EML5: variants seen among roughly 807,000 people sequenced by gnomAD.
EML5 encodes echinoderm microtubule-associated protein-like 5.
Under a neutral mutation model 250.0 loss-of-function variants are expected in EML5, and 120 were observed. That is an observed-to-expected ratio of 0.48 (90% CI 0.41 to 0.56). The LOEUF (loss-of-function observed/expected upper bound fraction) is 0.56, where lower values mean the gene tolerates loss of function less well. Among genes scored for constraint, EML5 ranks in the 20% least tolerant of loss-of-function variants. The pLI is 0.00. For synonymous variants in EML5, 771 were observed against 806.5 expected, an observed-to-expected ratio of 0.96 and a Z score of 0.75; for missense variants, 2,006 against 2,437.6, an observed-to-expected ratio of 0.82 and a Z score of 3.73.
chr14:88,729,866 T>TTTC (rs1566714267), intron 7 of EML5, among the ~76,000 whole-genome samples: 1 of 142,718 alleles, frequency 7.0e-6, no homozygotes, highest in African/African-American at 2.8e-5. Context: ...CGGTCTTGTT[T>TTTC]TTTGTTTTTT....
At position 88,643,078 on chromosome 14, in the gene EML5, C is replaced by T. The variant is rs1233284017; in HGVS notation, c.4108-56G>A. 16 of 1,498,526 alleles carry T rather than the reference C, an allele frequency of 1.1e-5. No individual in the cohort carries two copies. The Admixed American group carries it at 3.8e-4, about 36-fold the overall frequency. The allele number at this position is 1,498,526 out of a possible 1,614,324, so 92.8% of individuals were successfully genotyped here. On this transcript the variant is annotated intron_variant, in intron 30 of 43. Coordinates refer to ENST00000554922, the MANE Select transcript of EML5 (RefSeq NM_183387.3). ...CTTCCTCATGTATAAATGTTCACCA[C>T]TGTTTTGTTGTATACGTAATACTAG...
At chr14:88,656,877 C>T (rs1421876232) in intron 27 of EML5, among the ~76,000 whole-genome samples, 1 of 152,210 alleles carries the variant, frequency 6.6e-6, no homozygotes. Flanking sequence ...CCAACCTCAT[C>T]ACACACATTT....
chr14:88,792,375 G>A lies in EML5; in HGVS notation c.129C>T (p.Val43=), dbSNP rs1191048842. ...GCTCCCGCGGGCTGTACACCACGCC[G>A]ACCCCCGCCACGAAGTATACGATCT... ...AKEIVYFVAG[V]GVVYSPREHR... Residue 43 remains valine (V), a synonymous_variant, in exon 1 of 44, where the codon GTC becomes GTT. Transcript: ENST00000554922. This position sits in a 1 kb window ranked among gnomAD's most constrained non-coding sequence, Gnocchi z 6.9. 2 of 1,562,538 alleles carry A rather than the reference G, an allele frequency of 1.3e-6. No homozygotes were observed. The highest frequency in any genetic ancestry group is 1.4e-5 in the African/African-American group (1 of 73,310).
chr14:88,619,211 C>T (rs576308216), intron 39 of EML5: 2 of 155,078 alleles, frequency 1.3e-5, no homozygotes, highest in South Asian at 4.0e-4. Context: ...ACTAAAAATA[C>T]AAAATTAGCC....
At chr14:88,790,699 G>C (rs1283248626) in intron 1 of EML5, among the ~76,000 whole-genome samples, 1 of 152,160 alleles carries the variant, frequency 6.6e-6, no homozygotes, top group African/African-American at 2.4e-5. Flanking sequence ...GGCTGCTCCA[G>C]CTAGGTAAAG....
Position 88,612,583 on chromosome 14 carries a change from A to G in EML5, c.*3235T>C, listed in dbSNP as rs8008847. 145,202 of 152,720 alleles carry G rather than the reference A, an allele frequency of 0.95. 69,341 individuals are homozygous for G. Among genetic ancestry groups the G allele is most frequent in the Non-Finnish European group, 1 (67,735 of 68,046 alleles). 9.5% of individuals were successfully genotyped at this position (152,720 alleles called of 1,614,324 possible). A position where few individuals can be genotyped will look rare whatever the true frequency, so the allele number is the denominator to read the frequency against. On this transcript the variant is annotated 3_prime_UTR_variant, in exon 44 of 44. Transcript: ENST00000554922. ...GTCACAAGATTATAAATGTACATAT[A>G]TATTCTCACATTCTGAAAAATAACA... is the stretch of plus-strand genomic sequence containing the variant.
At position 88,695,478 on chromosome 14, in the gene EML5, T is replaced by C. The variant is rs191745650; in HGVS notation, c.2345-24A>G. ...CGCTGTGGAAAATTAATGAGAGAGATAAACTGACTATTAACATTCAGAAGA... is the reference window on the plus strand; with the variant it reads ...CGCTGTGGAAAATTAATGAGAGAGACAAACTGACTATTAACATTCAGAAGA... On this transcript the variant is annotated intron_variant, in intron 15 of 43. Transcript: ENST00000554922. 2.9e-5 allele frequency: 45 copies of C among 1,576,716 alleles called. No individual in the cohort carries two copies. In the South Asian group the frequency reaches 4.5e-4, roughly 16 times the overall value.
At chr14:88,729,870 G>T (rs28889405) in intron 7 of EML5, among the ~76,000 whole-genome samples, 1,088 of 101,012 alleles carry the variant, frequency 0.011, 13 homozygotes, top group African/African-American at 0.034. Flanking sequence ...CTTGTTTTTT[G>T]TTTTTTTTTT....
intron 16 of EML5, among the ~76,000 whole-genome samples, chr14:88,694,689 T>C (rs979235404): frequency 1.3e-5 from 2 of 152,230 alleles, no homozygotes; most frequent in Non-Finnish European, 2.9e-5. Flanking sequence ...ATTTGTGGCA[T>C]GAATGGGTTA....
chr14:88,660,841 A>T (rs1385057978), intron 25 of EML5, among the ~76,000 whole-genome samples: 1 of 152,160 alleles, frequency 6.6e-6, no homozygotes, highest in African/African-American at 2.4e-5. Flanking sequence ...GATGCTGATG[A>T]TTTAAAATGC....
chr14:88,638,639 G>A (rs1391650700), intron 32 of EML5, among the ~76,000 whole-genome samples, 170 bp downstream of exon 32: 5 of 152,206 alleles, frequency 3.3e-5, no homozygotes, highest in South Asian at 2.1e-4. Context: ...GTGAGTGAGA[G>A]AAAGGTACCT....
chr14:88,682,786 G>GA (rs1056470370), intron 20 of EML5, among the ~76,000 whole-genome samples: 1 of 152,194 alleles, frequency 6.6e-6, no homozygotes, highest in Non-Finnish European at 1.5e-5. Flanking sequence ...CTCTACTTTG[G>GA]ATGTGGTGCC....
At chr14:88,705,997 T>C (rs1411026672) in intron 11 of EML5, 7 of 525,876 alleles carry the variant, frequency 1.3e-5, no homozygotes, top group Admixed American at 6.8e-5. Flanking sequence ...ATATATTAAA[T>C]GTTTGTTTTG....
intron 4 of EML5, among the ~76,000 whole-genome samples, chr14:88,743,364 T>C (rs1297443727): frequency 6.6e-6 from 1 of 151,936 alleles, no homozygotes; most frequent in Non-Finnish European, 1.5e-5. Context: ...AAAACATCAC[T>C]ATGTACCCAT....
Position 88,695,468 on chromosome 14 carries a change from A to G in EML5, c.2345-14T>C. On this transcript the variant is annotated splice_polypyrimidine_tract_variant and intron_variant, in intron 15 of 43. Coordinates refer to ENST00000554922, the MANE Select transcript of EML5 (RefSeq NM_183387.3). ...GTTTCCCATCCGCTGTGGAAAATTA[A>G]TGAGAGAGATAAACTGACTATTAAC... is the stretch of plus-strand genomic sequence containing the variant. 1.9e-6 allele frequency: 3 copies of G among 1,604,532 alleles called. No homozygotes were observed. Among genetic ancestry groups the G allele is most frequent in the Non-Finnish European group, 2.6e-6 (3 of 1,174,104 alleles).
In EML5 at chr14:88,694,361, G is replaced by C; in HGVS notation, c.2485C>G (p.Pro829Ala). 3.1e-6 allele frequency: 5 copies of C among 1,595,126 alleles called. No individual in the cohort carries two copies. Among genetic ancestry groups the C allele is most frequent in the Non-Finnish European group, 3.4e-6 (4 of 1,170,218 alleles). The change falls in exon 17 of 44, where the codon CCT (proline) becomes GCT (alanine). Residue 829 changes from proline (P) to alanine (A), a missense_variant. Coordinates refer to ENST00000554922, the MANE Select transcript of EML5 (RefSeq NM_183387.3). The part of the protein sequence containing the change: ...IFVVKMNPYV[P>A]DKLITAGIKH... The stretch of plus-strand genomic sequence containing the variant: ...ATTCCAGCTGTAATTAGTTTATCAG[G>C]CACATAGGGGTTCATCTTTACAACA...
chr14:88,703,805 T>C (rs1368153233), intron 13 of EML5, among the ~76,000 whole-genome samples: 3 of 152,186 alleles, frequency 2.0e-5, no homozygotes, highest in African/African-American at 7.2e-5. Context: ...AAAATGCTCA[T>C]GCAAGAAGAA....
chr14:88,736,450 T>C lies in EML5; in HGVS notation c.963A>G (p.Gln321=). Reference sequence around the variant, plus strand: ...CCCAAAGTTCACCTTCACAATGCCCTTGCATAATTAGAAAAGGTTTATTTC... The same window carrying C: ...CCCAAAGTTCACCTTCACAATGCCCCTGCATAATTAGAAAAGGTTTATTTC... ...QERNKPFLIM[Q]GHCEGELWAL... The change falls in exon 7 of 44, where the codon CAA becomes CAG. Residue 321 remains glutamine, a synonymous_variant. Transcript: ENST00000554922. The C allele has an allele frequency of 6.2e-7, 1 of 1,614,062 alleles. No homozygotes were observed. Among genetic ancestry groups the C allele is most frequent in the Non-Finnish European group, 8.5e-7 (1 of 1,179,902 alleles).
At chr14:88,782,099 T>C (rs117418816) in intron 1 of EML5, among the ~76,000 whole-genome samples, 2,071 of 152,310 alleles carry the variant, frequency 0.014, 20 homozygotes, top group Non-Finnish European at 0.019. Context: ...AGAGACTTGT[T>C]GAATGGCTTT....
Sources: allele counts gnomAD v4.1 joint callset (sites outside exome capture counted in the v4.1 genomes callset), GRCh38; gene constraint gnomAD v4.1.1; non-coding constraint Gnocchi (gnomAD v3.1); transcripts MANE v1.5; gene names NCBI Gene and HGNC (gene_info 2026-07-23, HGNC 2026-07-21).